MIOS: variants seen among roughly 807,000 people sequenced by gnomAD.
The protein encoded by MIOS is meiosis regulator for oocyte development.
In MIOS, 52 loss-of-function variants were observed where a neutral mutation model predicts 96.9. The ratio of observed to expected loss-of-function variants is 0.54; its 90% CI spans 0.43 to 0.68. The LOEUF (loss-of-function observed/expected upper bound fraction) is 0.68, where lower values mean the gene tolerates loss of function less well. MIOS is among the 30% of genes least tolerant of loss of function. MIOS has a pLI of 0.00. For synonymous variants in MIOS, 397 were observed against 359.5 expected, an observed-to-expected ratio of 1.10 and a Z score of -1.18; for missense variants, 1,005 against 1,052.8, an observed-to-expected ratio of 0.95 and a Z score of 0.63.
chr7:7,572,971 G>A lies in MIOS; in HGVS notation c.496G>A (p.Gly166Ser). The change falls in exon 4 of 13, where the codon GGT becomes AGT. Residue 166 changes from glycine (G) to serine (S), a missense_variant. Transcript: ENST00000340080. This position sits in a 1 kb window ranked among gnomAD's most constrained non-coding sequence, Gnocchi z 4.8. Reference protein sequence around the residue: ...VPMEKVKLSAGETETTLLVTK... With the variant: ...VPMEKVKLSASETETTLLVTK... ...CATGGAAAAAGTGAAACTTTCAGCA[G>A]GTGAAACTGAAACAACATTATTAGT... 3 of 1,614,102 alleles carry A rather than the reference G, an allele frequency of 1.9e-6. No individual in the cohort carries two copies. Among genetic ancestry groups the A allele is most frequent in the Non-Finnish European group, 2.5e-6 (3 of 1,179,982 alleles).
At chr7:7,588,602 A>G in intron 8 of MIOS, 39 bp downstream of exon 8, 1 of 1,311,380 alleles carries the variant, frequency 7.6e-7, no homozygotes, top group Non-Finnish European at 1.1e-6. Flanking sequence ...AGTAATTAAT[A>G]TGTACTGTCA....
At chr7:7,600,184 GAAAA>G (rs932129643) in intron 11 of MIOS, among the ~76,000 whole-genome samples, 1 of 101,392 alleles carries the variant, frequency 9.9e-6, no homozygotes, top group African/African-American at 4.0e-5. Context: ...TTAAAAAAAA[GAAAA>G]AGAAGCAAAT....
chr7:7,608,251 G>A lies in MIOS; in HGVS notation c.*1159G>A, dbSNP rs1263728605. 6.6e-6 allele frequency: 1 copy of A among 152,038 alleles called. No homozygotes were observed. The highest frequency in any genetic ancestry group is 1.9e-4 in the East Asian group (1 of 5,194). 9.4% of individuals were successfully genotyped at this position (152,038 alleles called of 1,614,324 possible). A position where few individuals can be genotyped will look rare whatever the true frequency, so the allele number is the denominator to read the frequency against. ...GCTTCTCTGTCATCTGCCATATGCA[G>A]AGGGACTGAACTAGGAATTTTGTAG... On this transcript the variant is annotated 3_prime_UTR_variant, in exon 13 of 13. Transcript: ENST00000340080.
At chr7:7,606,636 A>T (rs1444655559) in intron 12 of MIOS, among the ~76,000 whole-genome samples, 1 of 152,234 alleles carries the variant, frequency 6.6e-6, no homozygotes, top group African/African-American at 2.4e-5. Context: ...ATATCTTGCC[A>T]TATATGTAGA....
At chr7:7,590,242 C>G (rs764622158) in intron 9 of MIOS, among the ~76,000 whole-genome samples, 3 of 152,074 alleles carry the variant, frequency 2.0e-5, no homozygotes, top group Non-Finnish European at 4.4e-5. Context: ...GGAAAATGCC[C>G]CCTCTCCCAC....
rs1035843815 is a variant in MIOS at position 7,607,768 on chromosome 7, A to G, written c.*676A>G. ...CGTCTTCCTAGAAAAGCCAAGATGA[A>G]GAATCTATCTTACAACTTTTTCTCT... is the stretch of plus-strand genomic sequence containing the variant. On this transcript the variant is annotated 3_prime_UTR_variant, in exon 13 of 13. Coordinates refer to ENST00000340080, the MANE Select transcript of MIOS (RefSeq NM_019005.4). 5.9e-5 allele frequency: 9 copies of G among 152,258 alleles called. No individual in the cohort carries two copies. Among genetic ancestry groups the G allele is most frequent in the African/African-American group, 1.9e-4 (8 of 41,554 alleles). The allele number at this position is 152,258 out of a possible 1,614,324, so 9.4% of individuals were successfully genotyped here.
In MIOS at chr7:7,596,343, TGGTGTGAGTG is replaced by T; in HGVS notation, c.2285_2294del (p.Gly762AlafsTer47). 6.2e-7 allele frequency: 1 copy of T among 1,614,184 alleles called. No homozygotes were observed. The highest frequency in any genetic ancestry group is 2.2e-5 in the East Asian group (1 of 44,884). On this transcript the variant is annotated frameshift_variant, in exon 11 of 13. Coordinates refer to ENST00000340080, the MANE Select transcript of MIOS (RefSeq NM_019005.4). ...ATCAGGGCAGAGGTTTTAGTCAGTA[TGGTGTGAGTG>T]GCTCACCAACGAAATCTAAAGTCAC...
Position 7,589,326 on chromosome 7 carries a change from A to G in MIOS, c.1885-79A>G, listed in dbSNP as rs1044491970. 42 of 1,259,804 alleles carry G rather than the reference A, an allele frequency of 3.3e-5. No homozygotes were observed. In the East Asian group the frequency reaches 8.0e-4, roughly 24 times the overall value. The allele number at this position is 1,259,804 out of a possible 1,614,324, so 78.0% of individuals were successfully genotyped here. ...TAAAATGTTTTCCATTAGGAATGAA[A>G]TTGTTCAAAATGTAGTTTTGAAGTA... On this transcript the variant is annotated intron_variant, in intron 8 of 12. Coordinates refer to ENST00000340080, the MANE Select transcript of MIOS (RefSeq NM_019005.4).
In MIOS at chr7:7,572,649, A is replaced by G. The variant is rs986559913; in HGVS notation, c.174A>G (p.Ser58=). 6.2e-7 allele frequency: 1 copy of G among 1,614,194 alleles called. No homozygotes were observed. The highest frequency in any genetic ancestry group is 8.5e-7 in the Non-Finnish European group (1 of 1,180,020). The part of the protein sequence containing the change: ...DSAATLLSIN[S]DTPYMKCVAW... ...CAGCTACATTACTGTCAATAAATTCAGATACACCCTATATGAAATGTGTTG... is the reference window on the plus strand; with the variant it reads ...CAGCTACATTACTGTCAATAAATTCGGATACACCCTATATGAAATGTGTTG... The change falls in exon 4 of 13, where the codon TCA becomes TCG. Residue 58 remains serine, a synonymous_variant. Coordinates refer to ENST00000340080, the MANE Select transcript of MIOS (RefSeq NM_019005.4). This position sits in a 1 kb window ranked among gnomAD's most constrained non-coding sequence, Gnocchi z 4.8.
At chr7:7,589,701 C>G (rs973567549) in intron 9 of MIOS, 138 bp downstream of exon 9, 3 of 881,200 alleles carry the variant, frequency 3.4e-6, no homozygotes, top group Middle Eastern at 2.8e-4. Flanking sequence ...AGTTGATCTA[C>G]TGAAGACTTG....
Position 7,606,075 on chromosome 7 carries a change from A to G in MIOS, c.2531+4A>G, listed in dbSNP as rs1784521998. On this transcript the variant is annotated splice_donor_region_variant and intron_variant, in intron 12 of 12. Coordinates refer to ENST00000340080, the MANE Select transcript of MIOS (RefSeq NM_019005.4). The stretch of plus-strand genomic sequence containing the variant: ...GACATATGCTTAGTTGGTTCAGGTA[A>G]TCAGCACATTTCTTCTTTGATAGGC... The G allele has an allele frequency of 1.2e-6, 2 of 1,613,482 alleles. No homozygotes were observed. The highest frequency in any genetic ancestry group is 1.7e-6 in the Non-Finnish European group (2 of 1,179,614).
intron 5 of MIOS, among the ~76,000 whole-genome samples, chr7:7,577,457 G>A (rs919458616): frequency 9.2e-5 from 14 of 152,154 alleles, no homozygotes; most frequent in Admixed American, 7.9e-4. Context: ...AAAAAGATAC[G>A]CAGTAGGAGG....
intron 7 of MIOS, 30 bp from the exon 8 acceptor site, chr7:7,588,468 G>A: frequency 6.6e-7 from 1 of 1,509,210 alleles, no homozygotes; most frequent in Non-Finnish European, 9.0e-7. Context: ...GCGCCTAGAA[G>A]TAACTCCTTG....
chr7:7,585,954 G>A, intron 7 of MIOS, 149 bp downstream of exon 7: 1 of 622,778 alleles, frequency 1.6e-6, no homozygotes. Context: ...CTTTTTTTTT[G>A]AGCAGCTCTT....
Position 7,573,749 on chromosome 7 carries a change from C to T in MIOS, c.1274C>T (p.Ser425Leu), listed in dbSNP as rs1783432202. ...GGAAATGAAGATCCACAGCTCAAGTCACTCTGGTATACTCTGCACTATATC... is the reference window on the plus strand; with the variant it reads ...GGAAATGAAGATCCACAGCTCAAGTTACTCTGGTATACTCTGCACTATATC... ...LAGNEDPQLK[S>L]LWYTLHFMKQ... Residue 425 changes from serine to leucine, a missense_variant, in exon 4 of 13, where the codon TCA becomes TTA. Coordinates refer to ENST00000340080, the MANE Select transcript of MIOS (RefSeq NM_019005.4). The surrounding 1 kb of genome is among the most constrained non-coding windows in gnomAD (Gnocchi z 5.0). The T allele has an allele frequency of 6.2e-7, 1 of 1,609,028 alleles. No individual in the cohort carries two copies. Among genetic ancestry groups the T allele is most frequent in the South Asian group, 1.1e-5 (1 of 90,360 alleles).
intron 11 of MIOS, among the ~76,000 whole-genome samples, chr7:7,600,659 G>A (rs577242086): frequency 4.9e-4 from 75 of 152,178 alleles, no homozygotes; most frequent in Non-Finnish European, 7.5e-4. Context: ...ACAGATCAAC[G>A]AGGCAGAAAG....
At chr7:7,577,482 C>T (rs1179861661) in intron 5 of MIOS, among the ~76,000 whole-genome samples, 3 of 152,018 alleles carry the variant, frequency 2.0e-5, no homozygotes, top group African/African-American at 7.2e-5. Context: ...AAATCTGGAG[C>T]CGGGAGCTTT....
At chr7:7,586,172 G>A (rs988448785) in intron 7 of MIOS, among the ~76,000 whole-genome samples, 1 of 28,148 alleles carries the variant, frequency 3.6e-5, no homozygotes, top group Non-Finnish European at 1.3e-4. Flanking sequence ...GTGTGTGTGT[G>A]TGTGTGTGTG....
rs1783389473 is a variant in MIOS, at chr7:7,572,559, T to C, written c.84T>C (p.Tyr28=). 6 of 1,614,018 alleles carry C rather than the reference T, an allele frequency of 3.7e-6. No homozygotes were observed. Among genetic ancestry groups the C allele is most frequent in the Non-Finnish European group, 5.1e-6 (6 of 1,179,990 alleles). The change falls in exon 4 of 13, where the codon TAT becomes TAC. Residue 28 remains tyrosine (Y), a synonymous_variant. Coordinates refer to ENST00000340080, the MANE Select transcript of MIOS (RefSeq NM_019005.4). The surrounding 1 kb of genome is among the most constrained non-coding windows in gnomAD (Gnocchi z 4.8). ...FVVCDSELSL[Y]HVESTVNSEL... ...TGTGTGACTCAGAACTAAGTCTTTA[T>C]CATGTGGAATCTACTGTGAATTCAG...
Sources: allele counts gnomAD v4.1 joint callset (sites outside exome capture counted in the v4.1 genomes callset), GRCh38; gene constraint gnomAD v4.1.1; non-coding constraint Gnocchi (gnomAD v3.1); transcripts MANE v1.5; gene names NCBI Gene and HGNC (gene_info 2026-07-23, HGNC 2026-07-21).